The following ADGRF3 variants were observed in gnomAD, a reference collection of about 807,000 sequenced individuals.
ADGRF3 encodes the protein adhesion G protein-coupled receptor F3, also known as G protein-coupled receptor 113.
Under a neutral mutation model 93.2 loss-of-function variants are expected in ADGRF3, and 85 were observed. The ratio of observed to expected loss-of-function variants is 0.91; its 90% CI spans 0.77 to 1.09. ADGRF3 has a LOEUF of 1.09. Ranked by LOEUF, ADGRF3 falls within the 50% of genes least tolerant of loss-of-function variation. The pLI is 0.00. For missense variants in ADGRF3, 1,125 were observed against 1,246.2 expected (o/e 0.90, Z 1.46); for synonymous variants, 534 against 532.5 (o/e 1.00, Z -0.04).
rs774750008 is a variant in ADGRF3 at position 26,310,681 on chromosome 2, CT to C, written c.2832+10del. The C allele has an allele frequency of 2.4e-5, 38 of 1,605,048 alleles. No individual in the cohort carries two copies. In the Admixed American group the frequency reaches 2.4e-4, roughly 10 times the overall value. On this transcript the variant is annotated intron_variant, in intron 10 of 13. Coordinates refer to ENST00000651242, the MANE Select transcript of ADGRF3 (RefSeq NM_001321971.2). ...AAAAGCAAAAAACACAGCCACCCCC[CT>C]ATCACCTACCTGGAGGGTGTTGAGA...
intron 1 of ADGRF3, among the ~76,000 whole-genome samples, chr2:26,341,957 C>G (rs1398765782): frequency 6.6e-6 from 1 of 151,862 alleles, no homozygotes; most frequent in Non-Finnish European, 1.5e-5. Context: ...CCTGTAGTCC[C>G]AGCTACTTGG....
At chr2:26,337,666 C>A (rs1199387636) in intron 1 of ADGRF3, among the ~76,000 whole-genome samples, 1 of 152,156 alleles carries the variant, frequency 6.6e-6, no homozygotes, top group Non-Finnish European at 1.5e-5. Context: ...TCATGAAGGG[C>A]TAAGTATCGT....
At chr2:26,322,152 C>A (rs1003067439) in intron 1 of ADGRF3, among the ~76,000 whole-genome samples, 1 of 149,224 alleles carries the variant, frequency 6.7e-6, no homozygotes, top group Non-Finnish European at 1.5e-5. Flanking sequence ...TGTGGTGGTG[C>A]GTGCCTGTAA....
intron 1 of ADGRF3, among the ~76,000 whole-genome samples, chr2:26,325,592 A>G (rs1391158343): frequency 6.6e-6 from 1 of 152,212 alleles, no homozygotes; most frequent in East Asian, 1.9e-4. Flanking sequence ...GAAATTTCTG[A>G]TGCTTTCTTT....
At chr2:26,336,959 G>T (rs1457252490) in intron 1 of ADGRF3, among the ~76,000 whole-genome samples, 1 of 152,084 alleles carries the variant, frequency 6.6e-6, no homozygotes, top group East Asian at 1.9e-4. Context: ...GGAAGTAAGA[G>T]ATAGTTTATG....
intron 1 of ADGRF3, among the ~76,000 whole-genome samples, chr2:26,336,687 C>A (rs12611802): frequency 1.7e-5 from 2 of 119,954 alleles, no homozygotes; most frequent in East Asian, 5.2e-4. Context: ...GATCTTGGCA[C>A]TACACTCCAA....
At chr2:26,328,226 TATCA>T (rs1479658289) in intron 1 of ADGRF3, among the ~76,000 whole-genome samples, 10 of 151,498 alleles carry the variant, frequency 6.6e-5, no homozygotes, top group Admixed American at 6.6e-4. Context: ...ATAAGTAATC[TATCA>T]TTTTTCCTTG....
At chr2:26,336,100 G>T (rs114783231) in intron 1 of ADGRF3, among the ~76,000 whole-genome samples, 68 of 152,280 alleles carry the variant, frequency 4.5e-4, no homozygotes, top group African/African-American at 1.6e-3. Context: ...TAAACATAAA[G>T]GTATGCACAG....
Position 26,310,731 on chromosome 2 carries a change from C to T in ADGRF3, c.2793G>A (p.Thr931=), listed in dbSNP as rs770830893. Residue 931 remains threonine, a synonymous_variant, in exon 10 of 14, where the codon ACG becomes ACA. Coordinates refer to ENST00000651242, the MANE Select transcript of ADGRF3 (RefSeq NM_001321971.2). ...GAATGGTGAAGATGTAATGAGGGACCGTGGAGACTTCCTCTAACAGAGTGG... is the reference window on the plus strand; with the variant it reads ...GAATGGTGAAGATGTAATGAGGGACTGTGGAGACTTCCTCTAACAGAGTGG... ...GLATLLEEVS[T]VPHYIFTILN... is the part of the protein sequence containing the mutation. 47 of 1,612,718 alleles carry T rather than the reference C, an allele frequency of 2.9e-5. No homozygotes were observed. Among genetic ancestry groups the T allele is most frequent in the Middle Eastern group, 1.6e-4 (1 of 6,084 alleles).
intron 1 of ADGRF3, among the ~76,000 whole-genome samples, chr2:26,334,230 G>C (rs1477601271): frequency 1.3e-5 from 2 of 150,546 alleles, no homozygotes; most frequent in Non-Finnish European, 3.0e-5. Context: ...TAAGGCAGGA[G>C]GATCACTTGA....
Position 26,316,998 on chromosome 2 carries a change from G to C in ADGRF3, c.239C>G (p.Pro80Arg). 6.2e-7 allele frequency: 1 copy of C among 1,613,098 alleles called. No individual in the cohort carries two copies. The highest frequency in any genetic ancestry group is 8.5e-7 in the Non-Finnish European group (1 of 1,179,516). The change falls in exon 3 of 14, where the codon CCT becomes CGT. Residue 80 changes from proline (P) to arginine (R), a missense_variant. Physicochemically the swap from Pro to Arg is moderately radical, Grantham distance 103. Transcript: ENST00000651242. ...HLDFPDKTWP[P>R]ELSRTLTLPA... is the part of the protein sequence containing the mutation. The stretch of plus-strand genomic sequence containing the variant: ...GAGAGTCAGTGTCCTGGAGAGTTCA[G>C]GGGGCCAGGTCTTATCTGGAAAGTC...
chr2:26,317,566 G>C lies in ADGRF3; in HGVS notation c.115-4C>G. ...CCCCTCCAGCCTGACTCTGTCCCTG[G>C]AACAGAACACAGAGGGGAGACCTCA... On this transcript the variant is annotated splice_region_variant and splice_polypyrimidine_tract_variant and intron_variant, in intron 1 of 13. Coordinates refer to ENST00000651242, the MANE Select transcript of ADGRF3 (RefSeq NM_001321971.2). The C allele has an allele frequency of 6.4e-7, 1 of 1,565,532 alleles. No homozygotes were observed. The highest frequency in any genetic ancestry group is 8.7e-7 in the Non-Finnish European group (1 of 1,154,984).
chr2:26,344,075 T>C (rs1327346333), intron 1 of ADGRF3, among the ~76,000 whole-genome samples: 1 of 152,264 alleles, frequency 6.6e-6, no homozygotes, highest in African/African-American at 2.4e-5. Flanking sequence ...TTATAAACTA[T>C]TATTAGCTTG....
chr2:26,313,277 T>A, intron 8 of ADGRF3, 100 bp downstream of exon 8: 1 of 1,431,752 alleles, frequency 7.0e-7, no homozygotes, highest in Non-Finnish European at 9.5e-7. Context: ...CTGAACAGCC[T>A]GTGGGCTGGG....
Position 26,314,427 on chromosome 2 carries a change from T to TC in ADGRF3, c.914dup (p.Glu306ArgfsTer27). ...CCCTTCTCATACCTTTGCTGCCCTC[T>TC]CCAGGGCTCCAGGCCGCGGTGTAGG... On this transcript the variant is annotated frameshift_variant, in exon 6 of 14. Coordinates refer to ENST00000651242, the MANE Select transcript of ADGRF3 (RefSeq NM_001321971.2). LOFTEE classifies it high-confidence loss of function. 1.2e-6 allele frequency: 2 copies of TC among 1,613,606 alleles called. No homozygotes were observed. The highest frequency in any genetic ancestry group is 2.7e-5 in the African/African-American group (2 of 75,036).
At chr2:26,338,752 G>A (rs1315927744) in intron 1 of ADGRF3, among the ~76,000 whole-genome samples, 1 of 151,686 alleles carries the variant, frequency 6.6e-6, no homozygotes, top group African/African-American at 2.4e-5. Flanking sequence ...ATGAGCCACC[G>A]TATCCGGCAG....
In ADGRF3 at chr2:26,311,124, G is replaced by A. The variant is rs2147863247; in HGVS notation, c.2400C>T (p.His800=). Residue 800 remains histidine (H), a synonymous_variant, in exon 10 of 14, where the codon CAC becomes CAT. Transcript: ENST00000651242. ...GCTGGTGAAAGACAAAGAGCAGCTG[G>A]TGGGCCAACACCAGGGCCTGCGCCA... ...WMLAQALVLA[H]QLLFVFHQLA... The A allele has an allele frequency of 6.3e-7, 1 of 1,596,772 alleles. No individual in the cohort carries two copies. Among genetic ancestry groups the A allele is most frequent in the Middle Eastern group, 1.7e-4 (1 of 6,046 alleles).
chr2:26,326,914 C>A (rs1377877285), intron 1 of ADGRF3, among the ~76,000 whole-genome samples: 1 of 152,124 alleles, frequency 6.6e-6, no homozygotes, highest in Non-Finnish European at 1.5e-5. Context: ...GGACTACAGG[C>A]GACCACCACC....
intron 1 of ADGRF3, among the ~76,000 whole-genome samples, chr2:26,341,793 G>A (rs1329319779): frequency 3.9e-5 from 6 of 152,056 alleles, no homozygotes; most frequent in African/African-American, 1.4e-4. Flanking sequence ...TGACTTGTGA[G>A]CTGGGCGCGG....
Sources: allele counts gnomAD v4.1 joint callset (sites outside exome capture counted in the v4.1 genomes callset), GRCh38; gene constraint gnomAD v4.1.1; transcripts MANE v1.5; gene names NCBI Gene and HGNC (gene_info 2026-07-23, HGNC 2026-07-21).